The following REPS1 variants were observed in gnomAD, a reference collection of about 807,000 sequenced individuals.
The protein encoded by REPS1 is ralBP1-associated Eps domain-containing protein 1.
In REPS1, 39 loss-of-function variants were observed where a neutral mutation model predicts 100.9. That is an observed-to-expected ratio of 0.39 (90% CI 0.30 to 0.50). The LOEUF (loss-of-function observed/expected upper bound fraction) is 0.50, where lower values mean the gene tolerates loss of function less well. Ranked by LOEUF, REPS1 falls within the 20% of genes least tolerant of loss-of-function variation. The probability of loss-of-function intolerance (pLI) is 0.86; values close to 1 mark genes in which losing one functional copy is unlikely to be tolerated. For synonymous variants in REPS1, 324 were observed against 340.3 expected (o/e 0.95, Z 0.53); for missense variants, 821 against 968.5 (o/e 0.85, Z 2.02).
At chr6:138,926,525 G>A (rs988641136) in intron 9 of REPS1, 44 bp from the exon 10 acceptor site, 1 of 1,346,574 alleles carries the variant, frequency 7.4e-7, no homozygotes, top group East Asian at 2.3e-5. Flanking sequence ...TGAGAAAGAT[G>A]GAGTAAAAGA....
chr6:138,913,597 T>C (rs1285187134), intron 15 of REPS1, among the ~76,000 whole-genome samples: 6 of 152,194 alleles, frequency 3.9e-5, no homozygotes, highest in African/African-American at 1.4e-4. Context: ...GAGTGTGAGA[T>C]GTTTTATGAC....
intron 1 of REPS1, among the ~76,000 whole-genome samples, chr6:138,979,105 C>T (rs185271802): frequency 2.2e-5 from 3 of 136,722 alleles, no homozygotes; most frequent in Admixed American, 8.3e-5. Context: ...CGCTTCAACC[C>T]GGGAGGCGGA....
At chr6:138,929,644 T>C (rs1781362759) in intron 9 of REPS1, 1 of 187,098 alleles carries the variant, frequency 5.3e-6, no homozygotes, top group Non-Finnish European at 1.1e-5. Context: ...TGACTAGATA[T>C]CAAAGGACTT....
At chr6:138,958,487 T>C (rs1783535214) in intron 1 of REPS1, among the ~76,000 whole-genome samples, 1 of 139,928 alleles carries the variant, frequency 7.1e-6, no homozygotes, top group Admixed American at 7.0e-5. Flanking sequence ...TCCTCTAAGT[T>C]ACCTCCCCTC....
chr6:138,961,564 T>A, intron 1 of REPS1, among the ~76,000 whole-genome samples: 1 of 152,208 alleles, frequency 6.6e-6, no homozygotes, highest in East Asian at 1.9e-4. Context: ...GCATACAATA[T>A]TAGCACAGTC....
At chr6:138,911,634 AGAGC>A (rs1780013391) in intron 16 of REPS1, among the ~76,000 whole-genome samples, 1 of 149,880 alleles carries the variant, frequency 6.7e-6, no homozygotes, top group Non-Finnish European at 1.5e-5. Context: ...AGAGGAGGAC[AGAGC>A]GAGGATGCAG....
At chr6:138,938,192 G>A (rs1052589588) in intron 8 of REPS1, among the ~76,000 whole-genome samples, 6 of 152,010 alleles carry the variant, frequency 3.9e-5, no homozygotes, top group Non-Finnish European at 8.8e-5. Flanking sequence ...AATTCAGGTC[G>A]ACAGAAGTAC....
rs1785381428 is a variant in REPS1, at chr6:138,988,013, G to T, written c.-331C>A. On this transcript the variant is annotated 5_prime_UTR_variant, in exon 1 of 20. Coordinates refer to ENST00000450536, the MANE Select transcript of REPS1 (RefSeq NM_001286611.2). ...GGGGCCGCGGAGGCGCGAGGCACTG[G>T]CGGACTCCGCCCCCGCCGCGGGTTC... 2.5e-6 allele frequency: 1 copy of T among 396,024 alleles called. No homozygotes were observed. The highest frequency in any genetic ancestry group is 4.5e-6 in the Non-Finnish European group (1 of 224,438). 24.5% of individuals were successfully genotyped at this position (396,024 alleles called of 1,614,324 possible). A position where few individuals can be genotyped will look rare whatever the true frequency, so the allele number is the denominator to read the frequency against.
rs1293082363 is a variant in REPS1 at position 138,949,001 on chromosome 6, A to G, written c.154-1088T>C. Among the ~76,000 whole-genome samples, 6 of 152,354 alleles carry G rather than the reference A, an allele frequency of 3.9e-5. No homozygotes were observed. The South Asian group carries it at 1.0e-3, about 26-fold the overall frequency. On this transcript the variant is annotated intron_variant, in intron 1 of 19. Coordinates refer to ENST00000450536, the MANE Select transcript of REPS1 (RefSeq NM_001286611.2). ...TCCTTCTGAAGAAATGTAAAAGGGC[A>G]AAGAGAATAAACAGGCAGGTTAACA...
intron 10 of REPS1, among the ~76,000 whole-genome samples, chr6:138,922,313 T>A (rs1475726832): frequency 6.6e-6 from 1 of 152,168 alleles, no homozygotes; most frequent in Non-Finnish European, 1.5e-5. Flanking sequence ...AAATTTAGCA[T>A]GAAACTGCCA....
chr6:138,984,287 T>C (rs1323963364), intron 1 of REPS1, among the ~76,000 whole-genome samples: 1 of 152,056 alleles, frequency 6.6e-6, no homozygotes, highest in Non-Finnish European at 1.5e-5. Flanking sequence ...TTCACCATGT[T>C]GGCCAGGTTG....
chr6:138,974,094 G>C (rs751010757), intron 1 of REPS1, among the ~76,000 whole-genome samples: 2 of 151,974 alleles, frequency 1.3e-5, no homozygotes, highest in Non-Finnish European at 2.9e-5. Flanking sequence ...AGCAGCTGTT[G>C]AATGGTGTTT....
Position 138,969,415 on chromosome 6 carries a change from G to A in REPS1, c.153+18115C>T, listed in dbSNP as rs545185883. Among the ~76,000 whole-genome samples, 241 of 149,314 alleles carry A rather than the reference G, an allele frequency of 1.6e-3. 1 individual carries two copies. In the Middle Eastern group the frequency reaches 0.035, roughly 22 times the overall value. ...CAAACCCCTTCTGCCTTAGCCTCCT[G>A]AGCAGCTAACAGGCACACACCACTG... On this transcript the variant is annotated intron_variant, in intron 1 of 19. Coordinates refer to ENST00000450536, the MANE Select transcript of REPS1 (RefSeq NM_001286611.2).
intron 1 of REPS1, among the ~76,000 whole-genome samples, chr6:138,979,514 A>G (rs944212631): frequency 6.6e-6 from 1 of 152,008 alleles, no homozygotes; most frequent in Non-Finnish European, 1.5e-5. Flanking sequence ...TCTGGCATCC[A>G]TCTACACTAG....
At chr6:138,914,292 G>C (rs1203386975) in intron 15 of REPS1, among the ~76,000 whole-genome samples, 2 of 152,034 alleles carry the variant, frequency 1.3e-5, no homozygotes. Context: ...AGGCTGGTCT[G>C]GAACTCCTGG....
At chr6:138,980,555 C>CA (rs1219584399) in intron 1 of REPS1, among the ~76,000 whole-genome samples, 2 of 152,108 alleles carry the variant, frequency 1.3e-5, no homozygotes, top group Admixed American at 6.6e-5. Flanking sequence ...CCTGACCCCC[C>CA]ATCCAGGCAT....
intron 8 of REPS1, among the ~76,000 whole-genome samples, chr6:138,938,393 T>C (rs564145031): frequency 3.3e-4 from 51 of 152,358 alleles, no homozygotes; most frequent in African/African-American, 9.1e-4. Context: ...ACTTTAAGTA[T>C]AGAATATTTG....
intron 1 of REPS1, among the ~76,000 whole-genome samples, chr6:138,979,189 A>AAC (rs1010144882): frequency 6.7e-5 from 10 of 148,482 alleles, no homozygotes; most frequent in African/African-American, 1.0e-4. Context: ...ACAAAAAAAA[A>AAC]AAAAAAAACA....
chr6:138,910,832 CA>C (rs1177468308), intron 17 of REPS1: 2 of 154,810 alleles, frequency 1.3e-5, no homozygotes, highest in African/African-American at 4.8e-5. Context: ...TACTGATGTA[CA>C]ATGAAAAATT....
Sources: gnomAD v4.1 joint callset for allele counts (sites outside exome capture counted in the v4.1 genomes callset) on GRCh38, gnomAD v4.1.1 for gene constraint, MANE v1.5 for transcripts, NCBI Gene and HGNC (gene_info 2026-07-23, HGNC 2026-07-21) for gene names.